Variants in MID1 observed in about 807,000 individuals in gnomAD.
MID1 encodes the protein E3 ubiquitin-protein ligase Midline-1.
MID1 carries 7 observed loss-of-function variants against 40.4 expected under a neutral mutation model. That is an observed-to-expected ratio of 0.17 (90% CI 0.10 to 0.33). The LOEUF (loss-of-function observed/expected upper bound fraction) is 0.33, where lower values mean the gene tolerates loss of function less well. MID1 is among the 10% of genes least tolerant of loss of function. The pLI, the probability that MID1 is intolerant of heterozygous loss-of-function variation, is 1.00. For synonymous variants in MID1, 229 were observed against 221.2 expected (o/e 1.04, Z -0.31); for missense variants, 367 against 558.5 (o/e 0.66, Z 3.46).
intron 1 of MID1, among the ~76,000 whole-genome samples, chrX:10,807,128 C>A (rs1477208610): frequency 9.1e-6 from 1 of 109,978 alleles, no homozygotes; most frequent in Admixed American, 9.7e-5. Context: ...ACCTGTAATC[C>A]CAGCTACTCG....
intron 1 of MID1, among the ~76,000 whole-genome samples, chrX:10,727,379 A>G (rs1185022455): frequency 8.9e-6 from 1 of 112,755 alleles, no homozygotes; most frequent in Non-Finnish European, 1.9e-5. Context: ...TCAGCCTCCC[A>G]AAGTGCTGGG....
Position 10,731,686 on chromosome X carries a change from G to A in MID1, c.-187+101868C>T, listed in dbSNP as rs373063632. On this transcript the variant is annotated intron_variant, in intron 1 of 10. Coordinates refer to the MID1 transcript ENST00000380785. ...AAAAGACTAAATTAGGGCTGGGGGC[G>A]GTGGCTCATGCCTGTAATCCTAGCA... Among the ~76,000 whole-genome samples the A allele has an allele frequency of 3.6e-4, 40 of 111,063 alleles. 1 individual carries two copies. The highest frequency in any genetic ancestry group is 1.2e-3 in the African/African-American group (38 of 30,643).
chrX:10,735,453 C>T (rs192143258), intron 1 of MID1, among the ~76,000 whole-genome samples: 1 of 111,421 alleles, frequency 9.0e-6, no homozygotes, highest in African/African-American at 3.3e-5. Flanking sequence ...TTTAACCCAA[C>T]GTAGTTTCTC....
intron 1 of MID1, 83 bp from the exon 2 acceptor site, chrX:10,567,686 A>G (rs1427595183): frequency 3.5e-5 from 21 of 601,945 alleles, no homozygotes; most frequent in Non-Finnish European, 4.9e-5. Context: ...TCTCAGAATA[A>G]TTCCAAACAC....
chrX:10,599,072 GTC>G (rs1935468320), intron 1 of MID1, among the ~76,000 whole-genome samples: 1 of 111,649 alleles, frequency 9.0e-6, no homozygotes, highest in Non-Finnish European at 1.9e-5. Context: ...CCAATCCCGG[GTC>G]TCTGACTGAC....
intron 1 of MID1, among the ~76,000 whole-genome samples, chrX:10,745,931 C>CA (rs1291312930): frequency 2.7e-5 from 3 of 112,513 alleles, no homozygotes; most frequent in Non-Finnish European, 5.6e-5. Context: ...GGTTGTGTTA[C>CA]AACCACGGTT....
intron 1 of MID1, among the ~76,000 whole-genome samples, chrX:10,724,737 CTTGTGGTTTTACTGTT>C (rs776877781): frequency 3.6e-5 from 4 of 112,095 alleles, no homozygotes; most frequent in Non-Finnish European, 7.5e-5. Context: ...TCTGGCCCAC[CTTGTGGTTTTACTGTT>C]TTATCTTAGT....
chrX:10,631,926 C>A lies in MID1; in HGVS notation c.-186-11507G>T, dbSNP rs6640671. Among the ~76,000 whole-genome samples the A allele has an allele frequency of 3.5e-3, 396 of 111,754 alleles. 5 individuals carry two copies. Among genetic ancestry groups the A allele is most frequent in the African/African-American group, 0.012 (378 of 30,711 alleles). ...AACAGGAAGCAATTGTTCAGACACA[C>A]TTCTAAGTAGCTCCAGGGCAGGCAA... On this transcript the variant is annotated intron_variant, in intron 1 of 10. Transcript: ENST00000380785.
intron 1 of MID1, among the ~76,000 whole-genome samples, chrX:10,723,398 A>C (rs2043370484): frequency 8.9e-6 from 1 of 112,270 alleles, no homozygotes; most frequent in South Asian, 3.7e-4. Flanking sequence ...ACATTCTGTA[A>C]TTTTGCTATT....
intron 5 of MID1, among the ~76,000 whole-genome samples, chrX:10,481,102 C>T (rs1368993607): frequency 8.9e-6 from 1 of 111,928 alleles, no homozygotes; most frequent in Non-Finnish European, 1.9e-5. Flanking sequence ...ACAGCCACAC[C>T]CATTTGTTTC....
intron 1 of MID1, among the ~76,000 whole-genome samples, chrX:10,614,055 T>A (rs1018302471): frequency 1.8e-5 from 2 of 109,557 alleles, no homozygotes; most frequent in African/African-American, 6.7e-5. Flanking sequence ...TGGGCTTGGG[T>A]CTGGGGATTC....
intron 1 of MID1, among the ~76,000 whole-genome samples, chrX:10,806,336 G>A (rs149673412): frequency 6.5e-4 from 73 of 111,842 alleles, no homozygotes; most frequent in African/African-American, 2.2e-3. Flanking sequence ...GAAATTCATC[G>A]AAGTTACTAT....
intron 1 of MID1, among the ~76,000 whole-genome samples, chrX:10,598,836 C>T (rs538970518): frequency 8.9e-6 from 1 of 112,038 alleles, no homozygotes; most frequent in Admixed American, 9.4e-5. Context: ...TTGTGAGACC[C>T]TGAGCAGAGA....
chrX:10,726,447 T>C (rs1329641571), intron 1 of MID1, among the ~76,000 whole-genome samples: 1 of 111,076 alleles, frequency 9.0e-6, no homozygotes, highest in African/African-American at 3.3e-5. Flanking sequence ...GATAAAAGGT[T>C]GGGGATTTTA....
chrX:10,672,844 C>T (rs2042997333), intron 1 of MID1, among the ~76,000 whole-genome samples: 1 of 110,353 alleles, frequency 9.1e-6, no homozygotes, highest in Admixed American at 9.7e-5. Flanking sequence ...GCTACCACAC[C>T]CAGTTAACTT....
At chrX:10,670,179 C>G (rs1213275582) in intron 1 of MID1, among the ~76,000 whole-genome samples, 1 of 112,299 alleles carries the variant, frequency 8.9e-6, no homozygotes, top group Non-Finnish European at 1.9e-5. Flanking sequence ...AAATACATGT[C>G]TAGTAGAAAA....
chrX:10,601,266 G>T (rs1261973313), intron 1 of MID1, among the ~76,000 whole-genome samples: 1 of 111,704 alleles, frequency 9.0e-6, no homozygotes, highest in Non-Finnish European at 1.9e-5. Context: ...CCTAGAGCAG[G>T]GTTCTGCAAA....
intron 1 of MID1, among the ~76,000 whole-genome samples, chrX:10,819,866 G>A (rs940030007): frequency 1.8e-5 from 2 of 111,920 alleles, no homozygotes; most frequent in African/African-American, 6.5e-5. Context: ...GCAAGCTATA[G>A]GACTCAGTAC....
chrX:10,741,267 C>T (rs986592683), intron 1 of MID1, among the ~76,000 whole-genome samples: 2 of 111,116 alleles, frequency 1.8e-5, no homozygotes, highest in South Asian at 7.6e-4. Context: ...ATTAAGACTA[C>T]CACTTTCAAC....
Sources: allele counts gnomAD v4.1 joint callset (sites outside exome capture counted in the v4.1 genomes callset), GRCh38; gene constraint gnomAD v4.1.1; transcripts MANE v1.5; gene names NCBI Gene and HGNC (gene_info 2026-07-23, HGNC 2026-07-21).